Variants in IRAG1 observed in about 807,000 individuals in gnomAD.
IRAG1 encodes the protein IP3R-associated cGMP kinase substrate.
IRAG1 carries 62 observed loss-of-function variants against 106.2 expected under a neutral mutation model. The ratio of observed to expected loss-of-function variants is 0.58; its 90% confidence interval spans 0.48 to 0.72. The LOEUF is 0.72. Among genes scored for constraint, IRAG1 ranks in the 30% least tolerant of loss-of-function variants. The probability of loss-of-function intolerance (pLI) is 0.00; values close to 1 mark genes in which losing one functional copy is unlikely to be tolerated. For missense variants in IRAG1, 1,064 were observed against 1,140.7 expected, an observed-to-expected ratio of 0.93 and a Z score of 0.97; for synonymous variants, 462 against 443.9, an observed-to-expected ratio of 1.04 and a Z score of -0.51.
chr11:10,671,583 G>A (rs541146051), intron 1 of IRAG1, among the ~76,000 whole-genome samples: 4 of 152,058 alleles, frequency 2.6e-5, no homozygotes, highest in South Asian at 2.1e-4. Flanking sequence ...ATGGTGGCGC[G>A]CACCTGTAGT....
intron 1 of IRAG1, among the ~76,000 whole-genome samples, chr11:10,677,340 T>G (rs1215764919): frequency 6.6e-6 from 1 of 152,256 alleles, no homozygotes; most frequent in Non-Finnish European, 1.5e-5. Context: ...TTGTACATAC[T>G]GTAGTACCTC....
chr11:10,664,692 AT>A (rs1424853750), intron 1 of IRAG1, among the ~76,000 whole-genome samples: 3 of 152,198 alleles, frequency 2.0e-5, no homozygotes, highest in Non-Finnish European at 2.9e-5. Context: ...GATCACAGTG[AT>A]TGGCTGGAGG....
At chr11:10,639,269 G>A (rs7936267) in intron 2 of IRAG1, among the ~76,000 whole-genome samples, 47,156 of 152,040 alleles carry the variant, frequency 0.31, 7,760 homozygotes, top group Middle Eastern at 0.38. Context: ...AAAGCAACTT[G>A]AAGTAACCAA....
chr11:10,628,889 A>G lies in IRAG1; in HGVS notation c.575-61T>C. ...AAGGTTTAGGACTTCAACCTGGCAAAGGCATCCTTTTAGGTATTCCCAGGC... is the reference window on the plus strand; with the variant it reads ...AAGGTTTAGGACTTCAACCTGGCAAGGGCATCCTTTTAGGTATTCCCAGGC... On this transcript the variant is annotated intron_variant, in intron 5 of 20. Coordinates refer to ENST00000423302, the MANE Select transcript of IRAG1 (RefSeq NM_130385.4). This position sits in a 1 kb window ranked among gnomAD's most constrained non-coding sequence, Gnocchi z 4.1. The G allele has an allele frequency of 6.7e-7, 1 of 1,483,074 alleles. No homozygotes were observed. The highest frequency in any genetic ancestry group is 9.2e-7 in the Non-Finnish European group (1 of 1,092,674). The allele number at this position is 1,483,074 out of a possible 1,614,324, so 91.9% of individuals were successfully genotyped here.
intron 4 of IRAG1, among the ~76,000 whole-genome samples, chr11:10,631,683 G>A (rs531113953): frequency 6.6e-6 from 1 of 152,308 alleles, no homozygotes; most frequent in Non-Finnish European, 1.5e-5. Flanking sequence ...ACCTGGATGT[G>A]GGCCTCTTTA....
chr11:10,641,603 G>A (rs761854454), intron 2 of IRAG1, among the ~76,000 whole-genome samples: 6 of 152,158 alleles, frequency 3.9e-5, no homozygotes, highest in African/African-American at 1.2e-4. Context: ...CCACTGTGTG[G>A]TGGGCCCTGT....
chr11:10,670,442 T>G (rs1860128091), intron 1 of IRAG1, among the ~76,000 whole-genome samples: 1 of 152,162 alleles, frequency 6.6e-6, no homozygotes, highest in Non-Finnish European at 1.5e-5. Flanking sequence ...TTAGTGAAAA[T>G]AGGCAGTGCT....
chr11:10,596,125 T>A (rs536960208), intron 15 of IRAG1, among the ~76,000 whole-genome samples: 2 of 152,352 alleles, frequency 1.3e-5, no homozygotes, highest in South Asian at 4.1e-4. Context: ...TGATTCCATG[T>A]CTTTGCTATT....
chr11:10,593,415 TCCCTG>T, intron 17 of IRAG1, 72 bp downstream of exon 17: 2 of 1,280,928 alleles, frequency 1.6e-6, no homozygotes, highest in Admixed American at 4.1e-5. Context: ...TTGGTCACCC[TCCCTG>T]CCCTAGGACT....
At chr11:10,681,328 C>A (rs1339895147) in intron 1 of IRAG1, among the ~76,000 whole-genome samples, 1 of 152,120 alleles carries the variant, frequency 6.6e-6, no homozygotes, top group African/African-American at 2.4e-5. Flanking sequence ...GAGTCAAGTG[C>A]CTTGTTAATA....
chr11:10,632,115 A>G (rs1856739961), intron 3 of IRAG1, 54 bp from the exon 4 acceptor site: 2 of 1,226,276 alleles, frequency 1.6e-6, no homozygotes, highest in Non-Finnish European at 2.4e-6. Context: ...ACTTGAAAAT[A>G]GGTGAAAAGA....
chr11:10,578,849 T>C (rs964519847), intron 20 of IRAG1, among the ~76,000 whole-genome samples: 1 of 152,100 alleles, frequency 6.6e-6, no homozygotes, highest in Non-Finnish European at 1.5e-5. Flanking sequence ...ATGTACTCTC[T>C]CTCTGTTTAT....
intron 1 of IRAG1, among the ~76,000 whole-genome samples, chr11:10,685,192 C>T (rs1476719779): frequency 6.6e-6 from 1 of 152,074 alleles, no homozygotes; most frequent in African/African-American, 2.4e-5. Flanking sequence ...ACCTGTAATC[C>T]CAGCACTTTG....
rs1436502293 is a variant in IRAG1, at chr11:10,659,718, A to G, written c.68-7536T>C. On this transcript the variant is annotated intron_variant, in intron 1 of 20. Coordinates refer to ENST00000423302, the MANE Select transcript of IRAG1 (RefSeq NM_130385.4). The surrounding 1 kb of genome is among the most constrained non-coding windows in gnomAD (Gnocchi z 4.1). Reference sequence around the variant, plus strand: ...TTCACTTCAGGAATTCTTTTTTTAAAAATAGGTCCACTTGAAAAAATTTTT... The same window carrying G: ...TTCACTTCAGGAATTCTTTTTTTAAGAATAGGTCCACTTGAAAAAATTTTT... Among the ~76,000 whole-genome samples the G allele has an allele frequency of 1.3e-5, 2 of 152,028 alleles. No homozygotes were observed. Among genetic ancestry groups the G allele is most frequent in the African/African-American group, 4.8e-5 (2 of 41,390 alleles).
chr11:10,692,837 C>T (rs2135298324), intron 1 of IRAG1, among the ~76,000 whole-genome samples: 1 of 152,310 alleles, frequency 6.6e-6, no homozygotes, highest in Non-Finnish European at 1.5e-5. Flanking sequence ...CTTCCACTGG[C>T]TTTTCCTTTG....
chr11:10,604,459 G>GGAACC lies in IRAG1; in HGVS notation c.1688_1689insGGTTC (p.Asn563LysfsTer4). 6.2e-7 allele frequency: 1 copy of GGAACC among 1,614,018 alleles called. No homozygotes were observed. The highest frequency in any genetic ancestry group is 8.5e-7 in the Non-Finnish European group (1 of 1,179,896). On this transcript the variant is annotated frameshift_variant, in exon 13 of 21. Transcript: ENST00000423302. LOFTEE classifies it high-confidence loss of function. ...CTTTCTCAGTGTTCTCCTCTGTCAG[G>GGAACC]TTGCGTTCCCTTTCAGCCTGGTTAA...
Position 10,632,071 on chromosome 11 carries a change from A to AGAACAGTCATCTT in IRAG1, c.330-23_330-11dup. The AGAACAGTCATCTT allele has an allele frequency of 6.2e-7, 1 of 1,608,408 alleles. No homozygotes were observed. Among genetic ancestry groups the AGAACAGTCATCTT allele is most frequent in the Non-Finnish European group, 8.5e-7 (1 of 1,174,826 alleles). On this transcript the variant is annotated splice_polypyrimidine_tract_variant and intron_variant, in intron 3 of 20. Coordinates refer to ENST00000423302, the MANE Select transcript of IRAG1 (RefSeq NM_130385.4). ...GTGGGGACTGTGAACTCTGAAAGAC[A>AGAACAGTCATCTT]GAACAGTCATCTTGTTCAGAAAATC...
chr11:10,609,997 G>A, intron 10 of IRAG1, 146 bp from the exon 11 acceptor site: 1 of 810,050 alleles, frequency 1.2e-6, no homozygotes, highest in Non-Finnish European at 1.9e-6. Context: ...TTCTCACAAT[G>A]AGCTAGAACT....
At chr11:10,640,629 G>A (rs570244095) in intron 2 of IRAG1, among the ~76,000 whole-genome samples, 2 of 152,170 alleles carry the variant, frequency 1.3e-5, no homozygotes, top group South Asian at 4.1e-4. Flanking sequence ...GGGGCCCTCT[G>A]GGGTGAATTC....
Sources: allele counts gnomAD v4.1 joint callset (sites outside exome capture counted in the v4.1 genomes callset), GRCh38; gene constraint gnomAD v4.1.1; non-coding constraint Gnocchi (gnomAD v3.1); transcripts MANE v1.5; gene names NCBI Gene and HGNC (gene_info 2026-07-23, HGNC 2026-07-21).